Variants in SPATS2L observed in about 807,000 individuals in gnomAD.
The protein encoded by SPATS2L is spermatogenesis associated serine rich 2 like, also known as SPATS2-like protein.
SPATS2L carries 30 observed loss-of-function variants against 59.6 expected under a neutral mutation model. That is an observed-to-expected ratio of 0.50 (90% CI 0.38 to 0.68). The LOEUF is 0.68. Among genes scored for constraint, SPATS2L ranks in the 30% least tolerant of loss-of-function variants. SPATS2L has a pLI of 0.00. For missense variants in SPATS2L, 615 were observed against 700.0 expected, an observed-to-expected ratio of 0.88 and a Z score of 1.37; for synonymous variants, 252 against 263.5, an observed-to-expected ratio of 0.96 and a Z score of 0.42.
chr2:200,428,292 GT>G (rs950924415), intron 6 of SPATS2L, among the ~76,000 whole-genome samples: 2 of 152,172 alleles, frequency 1.3e-5, no homozygotes, highest in African/African-American at 4.8e-5. Context: ...TCTAGCCATT[GT>G]TTTTTAATCT....
intron 1 of SPATS2L, among the ~76,000 whole-genome samples, chr2:200,319,539 T>TA (rs1348698053): frequency 8.2e-6 from 1 of 122,076 alleles, no homozygotes; most frequent in Non-Finnish European, 1.6e-5. Context: ...CACTCCAGCC[T>TA]AGGTGACAGA....
At chr2:200,431,518 A>T (rs1350568704) in intron 6 of SPATS2L, among the ~76,000 whole-genome samples, 1 of 152,220 alleles carries the variant, frequency 6.6e-6, no homozygotes, top group African/African-American at 2.4e-5. Flanking sequence ...AGATCAGATG[A>T]TGTGCTTTGC....
chr2:200,425,143 C>T (rs1005444685), intron 6 of SPATS2L, among the ~76,000 whole-genome samples: 2 of 118,980 alleles, frequency 1.7e-5, no homozygotes, highest in Admixed American at 8.2e-5. Context: ...CCCCCCCCCC[C>T]GCCATTTGTG....
chr2:200,340,403 T>C (rs1429784685), intron 2 of SPATS2L, among the ~76,000 whole-genome samples: 1 of 152,190 alleles, frequency 6.6e-6, no homozygotes, highest in Admixed American at 6.5e-5. Context: ...TCTTTTTTTT[T>C]GTTTGCCCTC....
intron 4 of SPATS2L, among the ~76,000 whole-genome samples, chr2:200,414,723 G>A (rs147159207): frequency 3.3e-5 from 5 of 152,182 alleles, no homozygotes; most frequent in Non-Finnish European, 5.9e-5. Context: ...TACAGAAAGC[G>A]CTCTGAGTGG....
intron 1 of SPATS2L, among the ~76,000 whole-genome samples, chr2:200,322,261 C>G (rs1443138373): frequency 1.3e-5 from 2 of 152,146 alleles, no homozygotes; most frequent in Non-Finnish European, 2.9e-5. Context: ...ATATGAAACT[C>G]TTCTTTGTTT....
chr2:200,375,003 C>A (rs1448403040), intron 2 of SPATS2L, among the ~76,000 whole-genome samples: 1 of 152,166 alleles, frequency 6.6e-6, no homozygotes, highest in Non-Finnish European at 1.5e-5. Context: ...TTGGAAGCAT[C>A]TGGTACTTTC....
At chr2:200,457,323 A>T (rs2085915753) in intron 8 of SPATS2L, among the ~76,000 whole-genome samples, 1 of 152,138 alleles carries the variant, frequency 6.6e-6, no homozygotes, top group Non-Finnish European at 1.5e-5. Flanking sequence ...CAGGAGCACA[A>T]AGCCTATTGA....
chr2:200,415,553 T>C (rs888508181), intron 4 of SPATS2L, among the ~76,000 whole-genome samples: 1 of 152,144 alleles, frequency 6.6e-6, no homozygotes, highest in Non-Finnish European at 1.5e-5. Flanking sequence ...AACTTGTTAT[T>C]GAAACCACCT....
chr2:200,438,271 CT>C (rs1157824140), intron 6 of SPATS2L, among the ~76,000 whole-genome samples: 1 of 152,060 alleles, frequency 6.6e-6, no homozygotes, highest in Non-Finnish European at 1.5e-5. Context: ...GAACTTGGTT[CT>C]CCTAGATCAA....
intron 2 of SPATS2L, among the ~76,000 whole-genome samples, chr2:200,357,198 GGGGCC>G (rs2105859520): frequency 6.6e-6 from 1 of 152,250 alleles, no homozygotes; most frequent in African/African-American, 2.4e-5. Context: ...ACCTCTGTTT[GGGGCC>G]AGATTTTTTT....
rs185826785 is a variant in SPATS2L at position 200,469,996 on chromosome 2, A to G, written c.1040A>G (p.Gln347Arg). Residue 347 changes from glutamine to arginine, a missense_variant, in exon 11 of 13, where the codon CAA becomes CGA. Around this residue, in one of 3 missense-constraint regions of SPATS2L, gnomAD observed 284 missense variants for 280.1 expected, o/e 1.01. Transcript: ENST00000409140. ...TGTGACATCGAACAGCTGAAGGCCC[A>G]AATCATGCTCTGCGGAGAAAGTGAG... is the stretch of plus-strand genomic sequence containing the variant. ...FSCDIEQLKA[Q>R]IMLCGEITHP... 92 of 1,611,088 alleles carry G rather than the reference A, an allele frequency of 5.7e-5. No homozygotes were observed. In the African/African-American group the frequency reaches 9.9e-4, roughly 17 times the overall value.
chr2:200,447,378 C>T (rs1351020833), intron 8 of SPATS2L, among the ~76,000 whole-genome samples: 4 of 152,228 alleles, frequency 2.6e-5, no homozygotes, highest in Admixed American at 1.3e-4. Context: ...TTTTACATAT[C>T]TTACGGTGCC....
chr2:200,465,601 T>A (rs1430182008), intron 9 of SPATS2L, among the ~76,000 whole-genome samples: 5 of 152,204 alleles, frequency 3.3e-5, no homozygotes, highest in African/African-American at 1.2e-4. Flanking sequence ...CCCAGCCACA[T>A]GGTATTGTAA....
intron 3 of SPATS2L, among the ~76,000 whole-genome samples, chr2:200,403,129 G>T (rs753919995): frequency 6.6e-5 from 10 of 152,202 alleles, no homozygotes; most frequent in Admixed American, 1.3e-4. Flanking sequence ...ATTAATTAAT[G>T]TGGCTCCTAA....
intron 3 of SPATS2L, among the ~76,000 whole-genome samples, chr2:200,408,778 C>T (rs952240555): frequency 3.9e-5 from 6 of 152,250 alleles, no homozygotes; most frequent in Admixed American, 6.5e-5. Flanking sequence ...GGGCCTGAGG[C>T]GCCATGGGGC....
In SPATS2L at chr2:200,419,316, G is replaced by A. The variant is rs1374805482; in HGVS notation, c.265G>A (p.Glu89Lys). ...CAACAAAGATGCTAAAGACAAGGTGGAGAGGCCTGAGGCAGGGCCCCTGCA... is the reference window on the plus strand; with the variant it reads ...CAACAAAGATGCTAAAGACAAGGTGAAGAGGCCTGAGGCAGGGCCCCTGCA... Reference protein sequence around the residue: ...QGNKDAKDKVERPEAGPLQPQ... With the variant: ...QGNKDAKDKVKRPEAGPLQPQ... Residue 89 changes from glutamate (E) to lysine (K), a missense_variant, in exon 6 of 13, where the codon GAG becomes AAG. Physicochemically the swap from Glu to Lys is moderately conservative, Grantham distance 56. Transcript: ENST00000409140. The A allele has an allele frequency of 6.2e-7, 1 of 1,606,824 alleles. No individual in the cohort carries two copies. Among genetic ancestry groups the A allele is most frequent in the East Asian group, 2.2e-5 (1 of 44,564 alleles).
chr2:200,393,132 C>T (rs888102682), intron 3 of SPATS2L: 6 of 449,690 alleles, frequency 1.3e-5, no homozygotes, highest in Admixed American at 4.7e-5. Flanking sequence ...TGGTGCTGAT[C>T]GAGGATTGGC....
At chr2:200,325,750 T>C (rs2079716422) in intron 1 of SPATS2L, among the ~76,000 whole-genome samples, 1 of 152,246 alleles carries the variant, frequency 6.6e-6, no homozygotes, top group Admixed American at 6.5e-5. Flanking sequence ...TTCTACTTAC[T>C]CTTTCTCTGA....
Sources: allele counts gnomAD v4.1 joint callset (sites outside exome capture counted in the v4.1 genomes callset), GRCh38; gene constraint gnomAD v4.1.1; regional missense constraint gnomAD v4.1.1; transcripts MANE v1.5; gene names NCBI Gene and HGNC (gene_info 2026-07-23, HGNC 2026-07-21).